The following RPS6KA2 variants were observed in gnomAD, a reference collection of about 807,000 sequenced individuals.
The protein encoded by RPS6KA2 is ribosomal protein S6 kinase A2.
Under a neutral mutation model 91.8 loss-of-function variants are expected in RPS6KA2, and 42 were observed. The observed-to-expected ratio is 0.46, with a 90% confidence interval of 0.36 to 0.59. The LOEUF (loss-of-function observed/expected upper bound fraction) is 0.59, where lower values mean the gene tolerates loss of function less well. Among genes scored for constraint, RPS6KA2 ranks in the 20% least tolerant of loss-of-function variants. The pLI, the probability that RPS6KA2 is intolerant of heterozygous loss-of-function variation, is 0.00. For missense variants in RPS6KA2, 798 were observed against 978.5 expected, an observed-to-expected ratio of 0.82 and a Z score of 2.46; for synonymous variants, 414 against 393.6, an observed-to-expected ratio of 1.05 and a Z score of -0.61.
At chr6:166,650,485 G>A (rs1348277414) in intron 2 of RPS6KA2, among the ~76,000 whole-genome samples, 1 of 151,940 alleles carries the variant, frequency 6.6e-6, no homozygotes, top group African/African-American at 2.4e-5. Context: ...CTCTTTTCAC[G>A]GCCATCACTT....
intron 2 of RPS6KA2, among the ~76,000 whole-genome samples, chr6:166,833,748 CTGTT>C (rs1281358139): frequency 6.6e-6 from 1 of 152,202 alleles, no homozygotes; most frequent in African/African-American, 2.4e-5. Context: ...AGAACACAAT[CTGTT>C]TATCTATTCA....
At chr6:166,539,564 G>A (rs1783589245) in intron 1 of RPS6KA2, among the ~76,000 whole-genome samples, 1 of 152,184 alleles carries the variant, frequency 6.6e-6, no homozygotes, top group Non-Finnish European at 1.5e-5. Flanking sequence ...ACACGTCATT[G>A]CCATCCTATA....
At chr6:166,631,987 C>G (rs1787093076), upstream of RPS6KA2, among the ~76,000 whole-genome samples, 1 of 152,194 alleles carries the variant, frequency 6.6e-6, no homozygotes, top group Non-Finnish European at 1.5e-5. Context: ...CAGCGCTCCT[C>G]TCCGCACATT....
At chr6:166,592,325 C>T (rs1785381826) in intron 1 of RPS6KA2, among the ~76,000 whole-genome samples, 1 of 152,180 alleles carries the variant, frequency 6.6e-6, no homozygotes, top group Admixed American at 6.5e-5. Context: ...GGGAAGAGGG[C>T]CCCGGTGTGG....
rs1033505244 is a variant in RPS6KA2, at chr6:166,635,501, G to C, written c.124-96717C>G. Among the ~76,000 whole-genome samples the C allele has an allele frequency of 1.3e-5, 2 of 152,262 alleles. No homozygotes were observed. Among genetic ancestry groups the C allele is most frequent in the Non-Finnish European group, 2.9e-5 (2 of 68,036 alleles). ...AGCAAGCGCCAGCCAGATACACAGGGACAGACAAGGGTGTTCCGTCAGGGA... is the reference window on the plus strand; with the variant it reads ...AGCAAGCGCCAGCCAGATACACAGGCACAGACAAGGGTGTTCCGTCAGGGA... On this transcript the variant is annotated intron_variant, in intron 2 of 21. Coordinates refer to the RPS6KA2 transcript ENST00000503859. The surrounding 1 kb of genome is among the most constrained non-coding windows in gnomAD (Gnocchi z 4.8).
At position 166,421,541 on chromosome 6, in the gene RPS6KA2, T is replaced by A. The variant is rs373157546; in HGVS notation, c.1744-1583A>T. Reference sequence around the variant, plus strand: ...TGGTCCCACCTGGGACCAGCCTCCATAGGCCAGCCCTGCACCTCCCCAAGC... The same window carrying A: ...TGGTCCCACCTGGGACCAGCCTCCAAAGGCCAGCCCTGCACCTCCCCAAGC... On this transcript the variant is annotated intron_variant, in intron 17 of 20. Coordinates refer to ENST00000265678, the MANE Select transcript of RPS6KA2 (RefSeq NM_021135.6). 1.4e-3 allele frequency among the ~76,000 whole-genome samples: 215 copies of A among 152,276 alleles called. 1 individual carries two copies. The highest frequency in any genetic ancestry group is 2.8e-3 in the Admixed American group (43 of 15,298).
intron 2 of RPS6KA2, among the ~76,000 whole-genome samples, chr6:166,783,613 T>C (rs1778830346): frequency 6.6e-6 from 1 of 150,906 alleles, no homozygotes; most frequent in African/African-American, 2.5e-5. Context: ...TACATATATA[T>C]GTACACATAT....
rs3799664 is a variant in RPS6KA2 at position 166,516,608 on chromosome 6, C to T, written c.299-6251G>A. On this transcript the variant is annotated intron_variant, in intron 3 of 20. Coordinates refer to ENST00000265678, the MANE Select transcript of RPS6KA2 (RefSeq NM_021135.6). ...GCCAACGGGGCTGCCATTGAGGACCCGTGGGCTCTGCCACGCCCTAGACTC... is the reference window on the plus strand; with the variant it reads ...GCCAACGGGGCTGCCATTGAGGACCTGTGGGCTCTGCCACGCCCTAGACTC... Among the ~76,000 whole-genome samples the T allele has an allele frequency of 2.9e-3, 441 of 152,352 alleles. 5 individuals are homozygous for T. Among genetic ancestry groups the T allele is most frequent in the East Asian group, 0.017 (86 of 5,180 alleles).
At chr6:166,706,813 G>T (rs1298962396) in intron 2 of RPS6KA2, among the ~76,000 whole-genome samples, 1 of 152,238 alleles carries the variant, frequency 6.6e-6, no homozygotes, top group Non-Finnish European at 1.5e-5. Flanking sequence ...AGAATATAGA[G>T]AGGGTGGGAT....
In RPS6KA2 at chr6:166,520,294, C is replaced by T. The variant is rs1463794791; in HGVS notation, c.299-9937G>A. Among the ~76,000 whole-genome samples the T allele has an allele frequency of 2.0e-5, 3 of 151,750 alleles. 1 individual carries two copies. The highest frequency in any genetic ancestry group is 4.2e-4 in the South Asian group (2 of 4,786). On this transcript the variant is annotated intron_variant, in intron 3 of 20. Transcript: ENST00000265678. ...CCAGCTCTCCTGGTTCTCGGGACTT[C>T]GAATTCAGACTGGAACTTATACCAC...
At chr6:166,769,606 C>G (rs575737975) in intron 2 of RPS6KA2, among the ~76,000 whole-genome samples, 123 of 152,326 alleles carry the variant, frequency 8.1e-4, no homozygotes, top group African/African-American at 2.9e-3. Context: ...AGTTCCACGT[C>G]CAATAAGGAA....
intron 2 of RPS6KA2, among the ~76,000 whole-genome samples, chr6:166,853,857 T>A (rs9459777): frequency 0.14 from 21,555 of 152,192 alleles, 1,782 homozygotes; most frequent in Non-Finnish European, 0.17. Flanking sequence ...CTCCTTTGCC[T>A]CAGTACACAT....
At chr6:166,786,077 G>C (rs1281781753) in intron 2 of RPS6KA2, among the ~76,000 whole-genome samples, 1 of 152,136 alleles carries the variant, frequency 6.6e-6, no homozygotes, top group African/African-American at 2.4e-5. Flanking sequence ...GGTGTTTCTT[G>C]TTATTTGAGA....
chr6:166,454,819 G>A (rs922663521), intron 12 of RPS6KA2, among the ~76,000 whole-genome samples: 1 of 150,686 alleles, frequency 6.6e-6, no homozygotes, highest in Non-Finnish European at 1.5e-5. Flanking sequence ...GAAGAACCCA[G>A]ACATTACTTA....
intron 2 of RPS6KA2, among the ~76,000 whole-genome samples, chr6:166,725,516 G>T (rs1228296816): frequency 1.3e-5 from 2 of 152,222 alleles, no homozygotes; most frequent in Admixed American, 6.5e-5. Context: ...CCCACAGCAG[G>T]TGGACAGCTC....
intron 2 of RPS6KA2, among the ~76,000 whole-genome samples, chr6:166,820,497 G>A (rs1335066738): frequency 6.6e-6 from 1 of 152,166 alleles, no homozygotes. Flanking sequence ...GGAATATAAA[G>A]GCTTTGGTGG....
intron 2 of RPS6KA2, among the ~76,000 whole-genome samples, chr6:166,752,960 G>A (rs1243887685): frequency 2.0e-5 from 3 of 152,178 alleles, no homozygotes; most frequent in Non-Finnish European, 4.4e-5. Context: ...GCTGTGAAAC[G>A]CAGGGCCCAT....
At chr6:166,706,026 C>T (rs750039665) in intron 2 of RPS6KA2, among the ~76,000 whole-genome samples, 2 of 152,184 alleles carry the variant, frequency 1.3e-5, no homozygotes, top group African/African-American at 4.8e-5. Flanking sequence ...TGTCTGTGAA[C>T]CAGGGAGCAA....
At chr6:166,416,293 C>CA (rs1226489655) in intron 19 of RPS6KA2, among the ~76,000 whole-genome samples, 1 of 151,678 alleles carries the variant, frequency 6.6e-6, no homozygotes. Flanking sequence ...CCCTTGCCAT[C>CA]CCTCCTCCAT....
Sources: gnomAD v4.1 joint callset for allele counts (sites outside exome capture counted in the v4.1 genomes callset) on GRCh38, gnomAD v4.1.1 for gene constraint, Gnocchi (gnomAD v3.1) non-coding constraint, MANE v1.5 for transcripts, NCBI Gene and HGNC (gene_info 2026-07-23, HGNC 2026-07-21) for gene names.